The following THSD7B variants were observed in gnomAD, a reference collection of about 807,000 sequenced individuals.
The protein encoded by THSD7B is thrombospondin type-1 domain-containing protein 7B.
Under a neutral mutation model 213.6 loss-of-function variants are expected in THSD7B, and 138 were observed. The observed-to-expected ratio is 0.65, with a 90% confidence interval of 0.56 to 0.74. The LOEUF (loss-of-function observed/expected upper bound fraction) is 0.74. Among genes scored for constraint, THSD7B ranks in the 30% least tolerant of loss-of-function variants. THSD7B has a pLI of 0.00. For synonymous variants in THSD7B, 742 were observed against 687.0 expected (o/e 1.08, Z -1.25); for missense variants, 1,931 against 1,991.5 (o/e 0.97, Z 0.58).
chr2:137,674,328 G>C (rs1378314227), intron 27 of THSD7B, among the ~76,000 whole-genome samples: 2 of 145,252 alleles, frequency 1.4e-5, no homozygotes, highest in African/African-American at 4.9e-5. Flanking sequence ...AAAACCAAGA[G>C]AGGTGGGAGG....
chr2:137,167,953 C>T (rs1045083952), intron 6 of THSD7B, among the ~76,000 whole-genome samples: 1 of 152,210 alleles, frequency 6.6e-6, no homozygotes, highest in African/African-American at 2.4e-5. Flanking sequence ...GGCAATGACT[C>T]TGAAAGACTT....
intron 5 of THSD7B, among the ~76,000 whole-genome samples, chr2:137,132,601 A>G (rs1211979983): frequency 1.3e-5 from 2 of 152,160 alleles, no homozygotes; most frequent in African/African-American, 4.8e-5. Flanking sequence ...ATATAACCTT[A>G]GCACTATTGC....
intron 10 of THSD7B, among the ~76,000 whole-genome samples, chr2:137,250,264 AAAT>A (rs1463088962): frequency 6.6e-6 from 1 of 152,192 alleles, no homozygotes; most frequent in Non-Finnish European, 1.5e-5. Context: ...TTAATTTGAC[AAAT>A]AATAACTGTA....
intron 15 of THSD7B, among the ~76,000 whole-genome samples, chr2:137,506,076 G>A (rs750158574): frequency 5.3e-5 from 8 of 152,134 alleles, no homozygotes; most frequent in Admixed American, 6.5e-5. Context: ...TGGGGAAGGG[G>A]ACTCCTCCTG....
At chr2:137,290,421 T>A (rs1683302275) in intron 12 of THSD7B, among the ~76,000 whole-genome samples, 1 of 152,144 alleles carries the variant, frequency 6.6e-6, no homozygotes, top group Non-Finnish European at 1.5e-5. Context: ...TCCGTAACTC[T>A]ACTCCTGTTT....
intron 4 of THSD7B, among the ~76,000 whole-genome samples, chr2:137,099,862 G>A (rs920849541): frequency 2.0e-5 from 3 of 152,058 alleles, no homozygotes; most frequent in Non-Finnish European, 4.4e-5. Context: ...ACTCTGGTCC[G>A]GCACTGAATA....
intron 10 of THSD7B, among the ~76,000 whole-genome samples, chr2:137,257,857 A>T (rs1865590): frequency 6.6e-6 from 1 of 151,944 alleles, no homozygotes; most frequent in African/African-American, 2.4e-5. Flanking sequence ...CGGAATGCAC[A>T]CTCTGGACCC....
At position 137,317,218 on chromosome 2, in the gene THSD7B, A is replaced by G. The variant is rs1195519046; in HGVS notation, c.2500+41192A>G. ...ATCCTACATACTAATTATCTGATCT[A>G]TTTTTATTTTCCCAAGAATTCTATG... On this transcript the variant is annotated intron_variant, in intron 12 of 27. Transcript: ENST00000409968. Among the ~76,000 whole-genome samples, 5 of 152,226 alleles carry G rather than the reference A, an allele frequency of 3.3e-5. No individual in the cohort carries two copies. In the East Asian group the frequency reaches 7.7e-4, roughly 24 times the overall value.
chr2:137,651,082 T>A (rs1481439455), intron 21 of THSD7B, among the ~76,000 whole-genome samples: 2 of 152,150 alleles, frequency 1.3e-5, no homozygotes, highest in Non-Finnish European at 2.9e-5. Context: ...GAAAGCTGGC[T>A]TCATGGAATA....
intron 3 of THSD7B, among the ~76,000 whole-genome samples, chr2:137,080,367 G>GTTT (rs70975798): frequency 3.7e-4 from 36 of 98,382 alleles, no homozygotes; most frequent in Middle Eastern, 6.6e-3. Flanking sequence ...ATGCCCAGCT[G>GTTT]TTTTTTTTTT....
At chr2:137,619,093 A>G (rs981768705) in intron 19 of THSD7B, among the ~76,000 whole-genome samples, 5 of 152,206 alleles carry the variant, frequency 3.3e-5, no homozygotes, top group African/African-American at 1.2e-4. Flanking sequence ...GACAAAAGCT[A>G]TAGTCAGACC....
chr2:136,809,175 AG>A (rs1682336177), intron 1 of THSD7B, among the ~76,000 whole-genome samples: 1 of 152,200 alleles, frequency 6.6e-6, no homozygotes, highest in Non-Finnish European at 1.5e-5. Flanking sequence ...AAATCAAGGC[AG>A]GGTCTAGGAA....
At chr2:137,057,271 A>G in intron 3 of THSD7B, 41 bp downstream of exon 3, 2 of 1,473,674 alleles carry the variant, frequency 1.4e-6, no homozygotes, top group Non-Finnish European at 1.8e-6. Flanking sequence ...CACCTAAAAT[A>G]TTTTATAGTG....
At chr2:137,037,836 T>C (rs1363466039) in intron 2 of THSD7B, among the ~76,000 whole-genome samples, 1 of 152,172 alleles carries the variant, frequency 6.6e-6, no homozygotes, top group African/African-American at 2.4e-5. Flanking sequence ...TAAGAAGACA[T>C]TAAAAATAAC....
intron 1 of THSD7B, among the ~76,000 whole-genome samples, chr2:136,875,736 C>A (rs1211875106): frequency 1.3e-5 from 2 of 152,122 alleles, no homozygotes; most frequent in African/African-American, 4.8e-5. Context: ...GGTCACTTTG[C>A]AGAGTTAATA....
chr2:136,882,151 C>G lies in THSD7B; in HGVS notation c.-28C>G. 1 of 1,478,424 alleles carries G rather than the reference C, an allele frequency of 6.8e-7. No individual in the cohort carries two copies. The highest frequency in any genetic ancestry group is 9.0e-7 in the Non-Finnish European group (1 of 1,114,856). 91.6% of individuals were successfully genotyped at this position (1,478,424 alleles called of 1,614,324 possible). A position where few individuals can be genotyped will look rare whatever the true frequency, so the allele number is the denominator to read the frequency against. Reference sequence around the variant, plus strand: ...TTTCTTTTTCTCTTTTAGGAATAGGCAAGTCAAGAGGCTGAAAAATCTGAA... The same window carrying G: ...TTTCTTTTTCTCTTTTAGGAATAGGGAAGTCAAGAGGCTGAAAAATCTGAA... On this transcript the variant is annotated 5_prime_UTR_variant, in exon 2 of 28. Coordinates refer to ENST00000409968, the MANE Select transcript of THSD7B (RefSeq NM_001316349.2).
intron 2 of THSD7B, among the ~76,000 whole-genome samples, chr2:136,933,315 C>T (rs900513391): frequency 6.6e-6 from 1 of 152,092 alleles, no homozygotes; most frequent in Non-Finnish European, 1.5e-5. Context: ...TGGCTCACAC[C>T]TGTAATCCTA....
chr2:137,503,612 T>C (rs1679761650), intron 15 of THSD7B, among the ~76,000 whole-genome samples: 1 of 152,204 alleles, frequency 6.6e-6, no homozygotes, highest in South Asian at 2.1e-4. Flanking sequence ...ACAGATCTGC[T>C]TTTACATTCC....
chr2:137,077,870 T>C (rs541832494), intron 3 of THSD7B, among the ~76,000 whole-genome samples: 35 of 152,300 alleles, frequency 2.3e-4, no homozygotes, highest in Middle Eastern at 3.4e-3. Context: ...TTGCCATTGC[T>C]TTTGGTGTTT....
Sources: allele counts gnomAD v4.1 joint callset (sites outside exome capture counted in the v4.1 genomes callset), GRCh38; gene constraint gnomAD v4.1.1; transcripts MANE v1.5; gene names NCBI Gene and HGNC (gene_info 2026-07-23, HGNC 2026-07-21).